The following CADM2 variants were observed in gnomAD, a reference collection of about 807,000 sequenced individuals.
CADM2 encodes the protein immunoglobulin superfamily member 4D.
Under a neutral mutation model 49.8 loss-of-function variants are expected in CADM2, and 12 were observed. The ratio of observed to expected loss-of-function variants is 0.24; its 90% CI spans 0.15 to 0.39. The LOEUF is 0.39. CADM2 is among the 10% of genes least tolerant of loss of function. CADM2 has a pLI of 1.00. For missense variants in CADM2, 378 were observed against 492.3 expected (o/e 0.77, Z 2.20); for synonymous variants, 214 against 175.4 (o/e 1.22, Z -1.74).
In CADM2 at chr3:85,307,823, C is replaced by G. The variant is rs1202465181; in HGVS notation, c.61+348155C>G. ...TGAACTATTTTTAAAATTTAAGATA[C>G]AAATATATTGTTATTTGTTTCACAG... On this transcript the variant is annotated intron_variant, in intron 1 of 9. Coordinates refer to ENST00000383699, the MANE Select transcript of CADM2 (RefSeq NM_001167675.2). Among the ~76,000 whole-genome samples, 4 of 150,392 alleles carry G rather than the reference C, an allele frequency of 2.7e-5. No individual in the cohort carries two copies. The East Asian group carries it at 7.8e-4, about 29-fold the overall frequency.
At chr3:85,557,078 A>G (rs769193187) in intron 1 of CADM2, among the ~76,000 whole-genome samples, 1 of 152,104 alleles carries the variant, frequency 6.6e-6, no homozygotes, top group Non-Finnish European at 1.5e-5. Context: ...ATTAGCAAGT[A>G]TATTTCTTAC....
intron 8 of CADM2, among the ~76,000 whole-genome samples, chr3:86,029,023 C>T (rs1474335368): frequency 2.6e-5 from 4 of 152,092 alleles, no homozygotes; most frequent in South Asian, 2.1e-4. Context: ...TGGTGAAAAG[C>T]GTGAGAAAAG....
intron 1 of CADM2, among the ~76,000 whole-genome samples, chr3:85,189,914 C>G (rs2041166377): frequency 6.6e-6 from 1 of 150,644 alleles, no homozygotes. Context: ...GTAAGAGTCT[C>G]CATAAGCAGC....
At chr3:85,352,211 C>G (rs2107241531) in intron 1 of CADM2, among the ~76,000 whole-genome samples, 1 of 151,976 alleles carries the variant, frequency 6.6e-6, no homozygotes, top group South Asian at 2.1e-4. Flanking sequence ...CTGATAGATC[C>G]AAAGCAGCTT....
At chr3:85,827,179 T>A (rs553793836) in intron 3 of CADM2, among the ~76,000 whole-genome samples, 2 of 151,970 alleles carry the variant, frequency 1.3e-5, no homozygotes, top group South Asian at 4.1e-4. Flanking sequence ...ATGAATAAAA[T>A]TGAACATTTA....
chr3:85,634,864 A>G (rs992844472), intron 1 of CADM2, among the ~76,000 whole-genome samples: 1 of 147,000 alleles, frequency 6.8e-6, no homozygotes, highest in African/African-American at 2.4e-5. Flanking sequence ...GTATTTATAC[A>G]TTCAATTTTC....
intron 1 of CADM2, among the ~76,000 whole-genome samples, chr3:85,383,960 A>G (rs75081184): frequency 0.03 from 4,636 of 152,278 alleles, 251 homozygotes; most frequent in African/African-American, 0.1. Flanking sequence ...TGAAAAGACT[A>G]ATAAATATCT....
chr3:84,990,492 T>C (rs1052462976), intron 1 of CADM2, among the ~76,000 whole-genome samples: 1 of 151,926 alleles, frequency 6.6e-6, no homozygotes, highest in Non-Finnish European at 1.5e-5. Flanking sequence ...AAAATAAATT[T>C]ATAATTTTAA....
At chr3:85,299,315 T>G (rs2044038805) in intron 1 of CADM2, among the ~76,000 whole-genome samples, 1 of 151,996 alleles carries the variant, frequency 6.6e-6, no homozygotes, top group Non-Finnish European at 1.5e-5. Context: ...TGGCCAAAAA[T>G]TATATTCTAA....
intron 1 of CADM2, among the ~76,000 whole-genome samples, chr3:85,296,525 A>G (rs535182092): frequency 6.6e-6 from 1 of 152,126 alleles, no homozygotes; most frequent in African/African-American, 2.4e-5. Flanking sequence ...TAGGCCAGAT[A>G]TCAAAGCCTT....
chr3:85,430,193 G>A (rs982211297), intron 1 of CADM2, among the ~76,000 whole-genome samples: 5 of 152,138 alleles, frequency 3.3e-5, no homozygotes, highest in African/African-American at 1.2e-4. Context: ...CCAGATAATT[G>A]CAGGTACTTC....
Position 86,065,694 on chromosome 3 carries a change from A to C in CADM2, c.1060A>C (p.Ile354Leu). The C allele has an allele frequency of 1.2e-6, 2 of 1,614,008 alleles. No individual in the cohort carries two copies. The highest frequency in any genetic ancestry group is 1.7e-5 in the Admixed American group (1 of 60,010). ...AVVVFVTLCS[I>L]FLLGRYLARH... ...AGTTGTATTTGTCACGCTGTGTTCT[A>C]TCTTTCTGCTTGGTCGATATCTGGC... Residue 354 changes from isoleucine (I) to leucine (L), a missense_variant, in exon 9 of 10, where the codon ATC becomes CTC. Coordinates refer to ENST00000383699, the MANE Select transcript of CADM2 (RefSeq NM_001167675.2).
At chr3:85,895,622 T>C (rs1641441843) in intron 5 of CADM2, among the ~76,000 whole-genome samples, 1 of 152,228 alleles carries the variant, frequency 6.6e-6, no homozygotes, top group Admixed American at 6.5e-5. Context: ...CCAAATCTTA[T>C]CTTGAATTGT....
chr3:85,426,038 A>C (rs2036387064), intron 1 of CADM2, among the ~76,000 whole-genome samples: 1 of 152,190 alleles, frequency 6.6e-6, no homozygotes, highest in African/African-American at 2.4e-5. Flanking sequence ...GACCTTATGC[A>C]AGCCGTGCCT....
intron 1 of CADM2, among the ~76,000 whole-genome samples, chr3:85,144,812 C>T (rs1009486035): frequency 2.0e-5 from 3 of 152,000 alleles, no homozygotes; most frequent in Non-Finnish European, 4.4e-5. Flanking sequence ...ATCATAATTA[C>T]TGGTAAAAAT....
At chr3:85,439,155 C>CT (rs373522509) in intron 1 of CADM2, among the ~76,000 whole-genome samples, 1,444 of 141,054 alleles carry the variant, frequency 0.01, 29 homozygotes, top group Middle Eastern at 0.033. Context: ...CTTATAATGA[C>CT]TTTTTTTTTT....
chr3:85,360,666 C>G (rs144149567), intron 1 of CADM2, among the ~76,000 whole-genome samples: 1 of 152,160 alleles, frequency 6.6e-6, no homozygotes, highest in African/African-American at 2.4e-5. Context: ...AATTAATCAC[C>G]AGGTCCTGTT....
chr3:85,468,059 C>A, intron 1 of CADM2, among the ~76,000 whole-genome samples: 1 of 139,940 alleles, frequency 7.1e-6, no homozygotes, highest in East Asian at 2.2e-4. Flanking sequence ...GAGGCTGAGG[C>A]AGGAGAATGG....
chr3:86,013,957 C>T (rs868025828), intron 8 of CADM2: 1 of 1,554,932 alleles, frequency 6.4e-7, no homozygotes, highest in Non-Finnish European at 8.8e-7. Flanking sequence ...AAATCAGTAC[C>T]TGTTATGGGA....
Sources: allele counts gnomAD v4.1 joint callset (sites outside exome capture counted in the v4.1 genomes callset), GRCh38; gene constraint gnomAD v4.1.1; transcripts MANE v1.5; gene names NCBI Gene and HGNC (gene_info 2026-07-23, HGNC 2026-07-21).